FHIT: variants seen among roughly 807,000 people sequenced by gnomAD.
FHIT encodes bis(5'-adenosyl)-triphosphatase.
In FHIT, 19 loss-of-function variants were observed where a neutral mutation model predicts 17.9. That is an observed-to-expected ratio of 1.06 (90% CI 0.74 to 1.56). The LOEUF (loss-of-function observed/expected upper bound fraction) is 1.56, where lower values mean the gene tolerates loss of function less well. Ranked by LOEUF, FHIT falls within the 40% of genes most tolerant of loss-of-function variation. The probability of loss-of-function intolerance (pLI) is 0.00; values close to 1 mark genes in which losing one functional copy is unlikely to be tolerated. For missense variants in FHIT, 248 were observed against 189.2 expected, an observed-to-expected ratio of 1.31 and a Z score of -1.82; for synonymous variants, 81 against 69.7, an observed-to-expected ratio of 1.16 and a Z score of -0.81.
chr3:61,122,868 G>C (rs1341339404), intron 2 of FHIT, among the ~76,000 whole-genome samples: 3 of 152,174 alleles, frequency 2.0e-5, no homozygotes, highest in Non-Finnish European at 4.4e-5. Flanking sequence ...TGCTGGAGAG[G>C]ATGTGGAGAA....
chr3:59,865,956 T>C (rs2106873495), intron 8 of FHIT, among the ~76,000 whole-genome samples: 1 of 152,276 alleles, frequency 6.6e-6, no homozygotes, highest in Non-Finnish European at 1.5e-5. Context: ...TCCCTCTACA[T>C]CTGTTTTATA....
At chr3:60,601,086 TG>T (rs551241810) in intron 4 of FHIT, among the ~76,000 whole-genome samples, 30 of 152,296 alleles carry the variant, frequency 2.0e-4, no homozygotes, top group African/African-American at 7.2e-4. Flanking sequence ...CACAGCAATG[TG>T]CCAAGTGACA....
intron 3 of FHIT, among the ~76,000 whole-genome samples, chr3:60,866,860 C>T (rs1193705558): frequency 3.9e-5 from 6 of 152,140 alleles, no homozygotes; most frequent in African/African-American, 1.4e-4. Context: ...GTCTCCCTTC[C>T]CATGCTTGAT....
intron 5 of FHIT, among the ~76,000 whole-genome samples, chr3:60,481,744 G>A (rs1256801303): frequency 1.3e-5 from 2 of 151,974 alleles, no homozygotes; most frequent in Non-Finnish European, 2.9e-5. Flanking sequence ...AAGAACAATG[G>A]CACTATGAAG....
chr3:60,012,978 C>A (rs998433384), intron 6 of FHIT, among the ~76,000 whole-genome samples: 9 of 152,172 alleles, frequency 5.9e-5, no homozygotes, highest in African/African-American at 1.9e-4. Flanking sequence ...GCTTGATAAA[C>A]CCACTCTGAA....
intron 5 of FHIT, among the ~76,000 whole-genome samples, chr3:60,262,679 C>A (rs1706363956): frequency 6.6e-6 from 1 of 151,800 alleles, no homozygotes; most frequent in South Asian, 2.1e-4. Flanking sequence ...CTCTTTTTAC[C>A]CCTAAAACTG....
At chr3:60,067,810 C>T (rs182365754) in intron 5 of FHIT, among the ~76,000 whole-genome samples, 6 of 152,324 alleles carry the variant, frequency 3.9e-5, no homozygotes, top group Admixed American at 2.6e-4. Flanking sequence ...TAAACCAGCA[C>T]GTTCTTGTCG....
At chr3:60,182,915 A>T in intron 5 of FHIT, among the ~76,000 whole-genome samples, 1 of 142,462 alleles carries the variant, frequency 7.0e-6, no homozygotes, top group South Asian at 2.2e-4. Flanking sequence ...TGGAGGGTTA[A>T]AAAAAAAAAA....
At chr3:60,033,307 C>A (rs1701079076) in intron 5 of FHIT, among the ~76,000 whole-genome samples, 1 of 151,998 alleles carries the variant, frequency 6.6e-6, no homozygotes, top group Non-Finnish European at 1.5e-5. Context: ...ACAAGCCTGA[C>A]CAACATGGAG....
chr3:60,563,801 G>T (rs1262934400), intron 4 of FHIT, among the ~76,000 whole-genome samples: 1 of 152,192 alleles, frequency 6.6e-6, no homozygotes, highest in Non-Finnish European at 1.5e-5. Flanking sequence ...GCAGAGATTG[G>T]TCATGAGGTT....
chr3:60,191,299 G>A (rs1183654612), intron 5 of FHIT, among the ~76,000 whole-genome samples: 3 of 151,978 alleles, frequency 2.0e-5, no homozygotes, highest in Non-Finnish European at 1.5e-5. Context: ...TATAGAAAAA[G>A]GGATACATTT....
At chr3:60,849,441 A>AAT (rs10662932) in intron 3 of FHIT, among the ~76,000 whole-genome samples, 48,440 of 137,396 alleles carry the variant, frequency 0.35, 9,010 homozygotes, top group Non-Finnish European at 0.41. Context: ...ACAAAAATGA[A>AAT]ATATATATAT....
chr3:61,002,856 C>T (rs1313217885), intron 3 of FHIT, among the ~76,000 whole-genome samples: 1 of 152,136 alleles, frequency 6.6e-6, no homozygotes, highest in Admixed American at 6.5e-5. Flanking sequence ...GGCCCAATTT[C>T]CTGCTCCATA....
chr3:59,753,621 C>G (rs747656905), intron 8 of FHIT, among the ~76,000 whole-genome samples: 2 of 152,184 alleles, frequency 1.3e-5, no homozygotes, highest in South Asian at 4.1e-4. Flanking sequence ...TGTTAAAAGT[C>G]ATTTGGGATT....
At chr3:61,130,538 A>G (rs1043144693) in intron 2 of FHIT, among the ~76,000 whole-genome samples, 9 of 152,342 alleles carry the variant, frequency 5.9e-5, no homozygotes, top group South Asian at 2.1e-4. Flanking sequence ...ATGGAAAACT[A>G]TAAGACTGGA....
At chr3:61,161,092 T>C (rs2037676774) in intron 2 of FHIT, among the ~76,000 whole-genome samples, 1 of 151,498 alleles carries the variant, frequency 6.6e-6, no homozygotes, top group Non-Finnish European at 1.5e-5. Context: ...TGGGTTGGGA[T>C]TTTTTATTTT....
At chr3:60,598,743 A>AT (rs1454923613) in intron 4 of FHIT, among the ~76,000 whole-genome samples, 1 of 152,194 alleles carries the variant, frequency 6.6e-6, no homozygotes, top group Non-Finnish European at 1.5e-5. Flanking sequence ...AGTTTGGTGG[A>AT]TTTTTTTCCC....
chr3:61,002,769 C>G (rs1043862816), intron 3 of FHIT, among the ~76,000 whole-genome samples: 1 of 152,102 alleles, frequency 6.6e-6, no homozygotes, highest in Non-Finnish European at 1.5e-5. Flanking sequence ...AATGTGCCAG[C>G]ATCTGCATCT....
At chr3:60,928,086 T>C (rs1165000133) in intron 3 of FHIT, among the ~76,000 whole-genome samples, 1 of 152,126 alleles carries the variant, frequency 6.6e-6, no homozygotes, top group Non-Finnish European at 1.5e-5. Context: ...AGATGTGCTT[T>C]ATTAAACAGA....
Sources: allele counts gnomAD v4.1 joint callset (sites outside exome capture counted in the v4.1 genomes callset), GRCh38; gene constraint gnomAD v4.1.1; transcripts MANE v1.5; gene names NCBI Gene and HGNC (gene_info 2026-07-23, HGNC 2026-07-21).